Variants in M1AP observed in about 807,000 individuals in gnomAD.
The protein encoded by M1AP is meiosis 1 associated protein, also known as meiosis 1 arrest protein.
In M1AP, 39 loss-of-function variants were observed where a neutral mutation model predicts 51.2. The ratio of observed to expected loss-of-function variants is 0.76; its 90% CI spans 0.59 to 1.00. M1AP has a LOEUF of 1.00. Among genes scored for constraint, M1AP ranks in the 50% least tolerant of loss-of-function variants. M1AP has a pLI of 0.00. For missense variants in M1AP, 545 were observed against 641.2 expected (o/e 0.85, Z 1.62); for synonymous variants, 251 against 249.2 (o/e 1.01, Z -0.07).
At position 74,630,453 on chromosome 2, in the gene M1AP, G is replaced by A. The variant is rs146246620; in HGVS notation, c.240+9583C>T. On this transcript the variant is annotated intron_variant, in intron 2 of 10. Transcript: ENST00000421985. ...ATCACCTAGGTATTAAGCCCCACAT[G>A]CATTAGCTATTGGTCCTGATGCTCT... is the stretch of plus-strand genomic sequence containing the variant. 9.9e-3 allele frequency among the ~76,000 whole-genome samples: 1,511 copies of A among 152,248 alleles called. 28 individuals are homozygous for A. The highest frequency in any genetic ancestry group is 0.034 in the African/African-American group (1,432 of 41,544).
At chr2:74,619,002 T>C (rs1450376092) in intron 2 of M1AP, 1 of 526,946 alleles carries the variant, frequency 1.9e-6, no homozygotes, top group Non-Finnish European at 3.9e-6. Context: ...TCTGCCTTCA[T>C]GCATATTTTC....
At position 74,574,097 on chromosome 2, in the gene M1AP, C is replaced by T. The variant is rs114933900; in HGVS notation, c.1074+1341G>A. On this transcript the variant is annotated intron_variant, in intron 7 of 10. Transcript: ENST00000421985. ...TGGACCTAAAAGGGAGTGCGGGCTT[C>T]GAAACAGGAAAAAAAGAAGTCTGCT... Among the ~76,000 whole-genome samples the T allele has an allele frequency of 6.9e-3, 1,052 of 152,124 alleles. 16 individuals are homozygous for T. Among genetic ancestry groups the T allele is most frequent in the African/African-American group, 0.024 (1,007 of 41,498 alleles).
intron 4 of M1AP, among the ~76,000 whole-genome samples, chr2:74,595,998 T>C (rs888145652): frequency 1.3e-5 from 2 of 151,998 alleles, no homozygotes; most frequent in African/African-American, 2.4e-5. Context: ...TAAATGACAA[T>C]AGATAAATTA....
At chr2:74,586,959 G>A (rs1254295175) in intron 4 of M1AP, among the ~76,000 whole-genome samples, 9 of 149,942 alleles carry the variant, frequency 6.0e-5, no homozygotes, top group East Asian at 4.0e-4. Flanking sequence ...CTGAGATCGC[G>A]CCATTGCACA....
chr2:74,569,848 G>C lies in M1AP; in HGVS notation c.1074+5590C>G, dbSNP rs371579528. Among the ~76,000 whole-genome samples the C allele has an allele frequency of 3.9e-4, 59 of 152,096 alleles. 1 individual carries two copies. Among genetic ancestry groups the C allele is most frequent in the African/African-American group, 1.4e-3 (58 of 41,498 alleles). ...GAGAGGGAGGAAGAGGATTGAGAGA[G>C]AACAGGGACTGAGGAGGTAGAGATA... On this transcript the variant is annotated intron_variant, in intron 7 of 10. Transcript: ENST00000421985.
chr2:74,629,895 C>T (rs2104800854), intron 2 of M1AP, among the ~76,000 whole-genome samples: 1 of 151,704 alleles, frequency 6.6e-6, no homozygotes, highest in Admixed American at 6.6e-5. Flanking sequence ...AATCCAAAGT[C>T]TGAAACACTT....
chr2:74,586,301 T>C (rs911886274), intron 4 of M1AP, among the ~76,000 whole-genome samples: 2 of 152,256 alleles, frequency 1.3e-5, no homozygotes, highest in Non-Finnish European at 2.9e-5. Context: ...TTTTCACTTT[T>C]ATCCTCCCTA....
chr2:74,640,271 T>C lies in M1AP; in HGVS notation c.5A>G (p.His2Arg). The C allele has an allele frequency of 1.2e-6, 2 of 1,614,066 alleles. No individual in the cohort carries two copies. The highest frequency in any genetic ancestry group is 1.7e-6 in the Non-Finnish European group (2 of 1,179,960). ...CCCTTTACCAGTAGTTCGCCCAGGA[T>C]GCATGGCAGCAAAACCAGAGGGGGA... M[H>R]PGRTTGKGPS... is the part of the protein sequence containing the mutation. Residue 2 changes from histidine (H) to arginine (R), a missense_variant, in exon 2 of 11, where the codon CAT becomes CGT. By Grantham distance (29) the His-to-Arg change is conservative. Coordinates refer to ENST00000421985, the MANE Select transcript of M1AP (RefSeq NM_001321739.2).
At chr2:74,559,675 T>A in intron 10 of M1AP, 23 bp downstream of exon 10, 1 of 718,462 alleles carries the variant, frequency 1.4e-6, no homozygotes. Context: ...CCTTTCCTCA[T>A]CTGTAAATGA....
At chr2:74,615,928 G>A (rs969948585) in intron 2 of M1AP, 3 of 152,240 alleles carry the variant, frequency 2.0e-5, no homozygotes, top group African/African-American at 7.2e-5. Flanking sequence ...ACACCTTCCT[G>A]ACCATAGAGC....
At chr2:74,581,567 G>T in intron 5 of M1AP, 107 bp downstream of exon 5, 2 of 1,066,316 alleles carry the variant, frequency 1.9e-6, no homozygotes, top group Admixed American at 2.2e-5. Context: ...CCCTCTTCCA[G>T]TCCCTAAACC....
chr2:74,574,208 A>G (rs763295215), intron 7 of M1AP, among the ~76,000 whole-genome samples: 1 of 152,088 alleles, frequency 6.6e-6, no homozygotes, highest in East Asian at 1.9e-4. Flanking sequence ...CTTGCATTCT[A>G]TTTGCAGTTG....
At chr2:74,621,459 TA>T (rs1438758405) in intron 2 of M1AP, among the ~76,000 whole-genome samples, 4 of 152,058 alleles carry the variant, frequency 2.6e-5, no homozygotes, top group South Asian at 2.1e-4. Flanking sequence ...GTTGTCCATG[TA>T]AAATACACAT....
intron 7 of M1AP, among the ~76,000 whole-genome samples, chr2:74,565,802 C>A (rs2104523327): frequency 6.8e-6 from 1 of 148,132 alleles, no homozygotes; most frequent in South Asian, 2.2e-4. Flanking sequence ...GCCCTCCAGC[C>A]TGGGCAACAG....
chr2:74,639,515 T>C (rs1396167280), intron 2 of M1AP, among the ~76,000 whole-genome samples: 1 of 152,232 alleles, frequency 6.6e-6, no homozygotes, highest in Non-Finnish European at 1.5e-5. Context: ...GCCCAGCCAT[T>C]GCCTTCCATA....
Position 74,562,412 on chromosome 2 carries a change from C to T in M1AP, c.1086G>A (p.Trp362Ter), listed in dbSNP as rs763343614. 6.2e-7 allele frequency: 1 copy of T among 1,614,202 alleles called. No homozygotes were observed. The highest frequency in any genetic ancestry group is 8.5e-7 in the Non-Finnish European group (1 of 1,180,032). Residue 362 changes from tryptophan (W) to a stop codon, truncating the protein, a stop_gained, in exon 8 of 11, where the codon TGG becomes TGA. Coordinates refer to ENST00000421985, the MANE Select transcript of M1AP (RefSeq NM_001321739.2). LOFTEE classifies it high-confidence loss of function. ...ALCHSLLKRE[W>*]LLLAKGEPPG... Reference sequence around the variant, plus strand: ...GTGGTTCCCCCTTGGCTAACAGCAGCCATTCCCTTTTCTGAAACAAGGACA... The same window carrying T: ...GTGGTTCCCCCTTGGCTAACAGCAGTCATTCCCTTTTCTGAAACAAGGACA...
intron 4 of M1AP, among the ~76,000 whole-genome samples, chr2:74,595,350 G>A (rs1433143601): frequency 6.6e-6 from 1 of 151,864 alleles, no homozygotes; most frequent in Non-Finnish European, 1.5e-5. Flanking sequence ...TTGCTTAAAG[G>A]CAAAAACAAT....
At chr2:74,563,138 T>C (rs1573057497) in intron 7 of M1AP, among the ~76,000 whole-genome samples, 1 of 152,002 alleles carries the variant, frequency 6.6e-6, no homozygotes, top group Non-Finnish European at 1.5e-5. Flanking sequence ...CCCAGCACTT[T>C]GGGAGGCCAA....
At chr2:74,586,957 G>GC (rs1330074358) in intron 4 of M1AP, among the ~76,000 whole-genome samples, 2 of 150,550 alleles carry the variant, frequency 1.3e-5, no homozygotes, top group African/African-American at 4.9e-5. Context: ...AACTGAGATC[G>GC]CGCCATTGCA....
Sources: allele counts gnomAD v4.1 joint callset (sites outside exome capture counted in the v4.1 genomes callset), GRCh38; gene constraint gnomAD v4.1.1; transcripts MANE v1.5; gene names NCBI Gene and HGNC (gene_info 2026-07-23, HGNC 2026-07-21).